Variants in NIBAN1 observed in about 807,000 individuals in gnomAD.
NIBAN1 encodes the protein niban apoptosis regulator 1, also known as protein Niban 1.
A neutral mutation model predicts 75.1 loss-of-function variants in NIBAN1; 81 were observed. The ratio of observed to expected loss-of-function variants is 1.08; its 90% CI spans 0.90 to 1.30. The LOEUF is 1.30. Ranked by LOEUF, NIBAN1 falls within the 50% of genes most tolerant of loss-of-function variation. The pLI, the probability that NIBAN1 is intolerant of heterozygous loss-of-function variation, is 0.00. For missense variants in NIBAN1, 1,133 were observed against 1,128.1 expected (o/e 1.00, Z -0.06); for synonymous variants, 436 against 424.8 (o/e 1.03, Z -0.32).
chr1:184,842,898 G>A (rs184019801), intron 5 of NIBAN1, among the ~76,000 whole-genome samples: 1 of 141,152 alleles, frequency 7.1e-6, no homozygotes, highest in East Asian at 1.9e-4. Flanking sequence ...TACACATCAC[G>A]TTTGAGAAAA....
chr1:184,813,543 G>A (rs1426918309), intron 9 of NIBAN1, among the ~76,000 whole-genome samples: 1 of 152,152 alleles, frequency 6.6e-6, no homozygotes, highest in African/African-American at 2.4e-5. Context: ...GCTATATAAA[G>A]AAGGTTATAA....
rs562093000 is a variant in NIBAN1 at position 184,794,896 on chromosome 1, A to T, written c.*81T>A. On this transcript the variant is annotated 3_prime_UTR_variant, in exon 14 of 14. Coordinates refer to ENST00000367511, the MANE Select transcript of NIBAN1 (RefSeq NM_052966.4). ...GAAAATACTTAAAAATTTTTTGGTA[A>T]CAGCTTGCATGCAACCCCTAAGTGT... 1.5e-5 allele frequency: 24 copies of T among 1,588,818 alleles called. No individual in the cohort carries two copies. The South Asian group carries it at 2.7e-4, about 18-fold the overall frequency.
intron 4 of NIBAN1, among the ~76,000 whole-genome samples, chr1:184,885,474 C>T (rs933101718): frequency 6.6e-6 from 1 of 152,202 alleles, no homozygotes; most frequent in African/African-American, 2.4e-5. Flanking sequence ...CGCGCCCAGC[C>T]TGGGCACAAT....
chr1:184,877,911 A>ATT (rs755903297), intron 5 of NIBAN1, among the ~76,000 whole-genome samples: 1 of 143,686 alleles, frequency 7.0e-6, no homozygotes. Context: ...GAACAAAACA[A>ATT]TTTTTTTTTT....
At chr1:184,812,729 C>A (rs1654418835) in intron 9 of NIBAN1, among the ~76,000 whole-genome samples, 1 of 152,194 alleles carries the variant, frequency 6.6e-6, no homozygotes, top group Non-Finnish European at 1.5e-5. Flanking sequence ...ACTCTAGATG[C>A]CTTCTGGGAA....
intron 5 of NIBAN1, among the ~76,000 whole-genome samples, chr1:184,832,524 C>T (rs1655026700): frequency 1.3e-5 from 2 of 152,134 alleles, no homozygotes; most frequent in Non-Finnish European, 2.9e-5. Context: ...CAAAAACCCT[C>T]GAGGAGAGTA....
chr1:184,925,942 A>T (rs1571579097), intron 1 of NIBAN1, among the ~76,000 whole-genome samples: 1 of 152,116 alleles, frequency 6.6e-6, no homozygotes, highest in East Asian at 1.9e-4. Flanking sequence ...TGAACCTCCC[A>T]ATGCTTTATT....
chr1:184,879,210 C>A (rs1233468457), intron 5 of NIBAN1, among the ~76,000 whole-genome samples: 1 of 152,146 alleles, frequency 6.6e-6, no homozygotes, highest in East Asian at 1.9e-4. Context: ...GTATGCATTT[C>A]AACACATGTA....
chr1:184,892,367 T>C (rs118171083), intron 3 of NIBAN1, among the ~76,000 whole-genome samples: 1 of 152,278 alleles, frequency 6.6e-6, no homozygotes, highest in East Asian at 1.9e-4. Context: ...GTGGTAAAGG[T>C]ATGAGTCAAA....
intron 1 of NIBAN1, among the ~76,000 whole-genome samples, chr1:184,955,058 A>G (rs1571602269): frequency 6.6e-6 from 1 of 152,312 alleles, no homozygotes; most frequent in East Asian, 1.9e-4. Context: ...TATGTTATTT[A>G]GCCCAATCAT....
At chr1:184,961,428 T>C (rs1490444115) in intron 1 of NIBAN1, among the ~76,000 whole-genome samples, 1 of 152,132 alleles carries the variant, frequency 6.6e-6, no homozygotes, top group African/African-American at 2.4e-5. Flanking sequence ...GATAGCAACT[T>C]ATTATCCTTC....
At chr1:184,824,240 C>A (rs1290664912) in intron 6 of NIBAN1, among the ~76,000 whole-genome samples, 1 of 152,114 alleles carries the variant, frequency 6.6e-6, no homozygotes, top group African/African-American at 2.4e-5. Flanking sequence ...TCCCCCAAGC[C>A]CCATTGTCAT....
At chr1:184,952,749 T>G (rs76457756) in intron 1 of NIBAN1, among the ~76,000 whole-genome samples, 1,844 of 152,290 alleles carry the variant, frequency 0.012, 36 homozygotes, top group African/African-American at 0.041. Context: ...TAAGTTTTTT[T>G]GAAAAGACTT....
chr1:184,961,807 C>T (rs1422889795), intron 1 of NIBAN1, among the ~76,000 whole-genome samples: 1 of 152,244 alleles, frequency 6.6e-6, no homozygotes, highest in Non-Finnish European at 1.5e-5. Flanking sequence ...CTGGGAAAGG[C>T]TTCTTTGCTC....
rs1266595873 is a variant in NIBAN1 at position 184,791,253 on chromosome 1, C to T, written c.*3724G>A. 3.6e-6 allele frequency: 1 copy of T among 280,220 alleles called. No individual in the cohort carries two copies. The highest frequency in any genetic ancestry group is 7.1e-6 in the Non-Finnish European group (1 of 140,096). 17.4% of individuals were successfully genotyped at this position (280,220 alleles called of 1,614,324 possible). On this transcript the variant is annotated 3_prime_UTR_variant, in exon 14 of 14. Coordinates refer to ENST00000367511, the MANE Select transcript of NIBAN1 (RefSeq NM_052966.4). ...TTGCCAACTGTTGCACCGACTGATACTATTATTAAGTCAATGATGTCCTTC... is the reference window on the plus strand; with the variant it reads ...TTGCCAACTGTTGCACCGACTGATATTATTATTAAGTCAATGATGTCCTTC...
At chr1:184,805,858 G>T in intron 11 of NIBAN1, 88 bp downstream of exon 11, 1 of 1,003,338 alleles carries the variant, frequency 1.0e-6, no homozygotes, top group East Asian at 2.5e-5. Flanking sequence ...TTAGAGCCAA[G>T]GAGAGAACTT....
intron 1 of NIBAN1, among the ~76,000 whole-genome samples, chr1:184,948,408 A>G (rs973539426): frequency 6.6e-6 from 1 of 152,230 alleles, no homozygotes; most frequent in African/African-American, 2.4e-5. Flanking sequence ...CAGACTAGTT[A>G]CTGTGTTCCA....
chr1:184,826,113 C>T (rs78205479), intron 6 of NIBAN1, among the ~76,000 whole-genome samples: 1 of 152,164 alleles, frequency 6.6e-6, no homozygotes, highest in Non-Finnish European at 1.5e-5. Flanking sequence ...GACGAGCTAT[C>T]CAGTCCCACT....
intron 13 of NIBAN1, among the ~76,000 whole-genome samples, chr1:184,797,836 A>G (rs530046418): frequency 6.0e-4 from 91 of 152,342 alleles, no homozygotes; most frequent in African/African-American, 2.1e-3. Context: ...CACAGCATTC[A>G]TATTTGTGTA....
Sources: allele counts gnomAD v4.1 joint callset (sites outside exome capture counted in the v4.1 genomes callset), GRCh38; gene constraint gnomAD v4.1.1; transcripts MANE v1.5; gene names NCBI Gene and HGNC (gene_info 2026-07-23, HGNC 2026-07-21).